FAM178B: variants seen among roughly 807,000 people sequenced by gnomAD.
FAM178B encodes the protein protein FAM178B.
Under a neutral mutation model 91.7 loss-of-function variants are expected in FAM178B, and 82 were observed. The observed-to-expected ratio is 0.89, with a 90% CI of 0.75 to 1.07. The LOEUF (loss-of-function observed/expected upper bound fraction) is 1.07, where lower values mean the gene tolerates loss of function less well. FAM178B is among the 50% of genes least tolerant of loss of function. The pLI is 0.00. For missense variants in FAM178B, 769 were observed against 846.7 expected, an observed-to-expected ratio of 0.91 and a Z score of 1.14; for synonymous variants, 368 against 359.4, an observed-to-expected ratio of 1.02 and a Z score of -0.27.
intron 8 of FAM178B, among the ~76,000 whole-genome samples, chr2:96,940,401 T>C (rs72811681): frequency 6.6e-6 from 1 of 152,290 alleles, no homozygotes; most frequent in Non-Finnish European, 1.5e-5. Context: ...CAGGAGGCTG[T>C]CCTGCAAACC....
intron 8 of FAM178B, among the ~76,000 whole-genome samples, chr2:96,937,334 T>C (rs1011136792): frequency 1.7e-4 from 26 of 152,160 alleles, no homozygotes; most frequent in Non-Finnish European, 5.9e-5. Context: ...GTGATTCTAA[T>C]ACACAGCCAA....
intron 14 of FAM178B, among the ~76,000 whole-genome samples, chr2:96,888,570 T>C (rs1346692437): frequency 6.6e-6 from 1 of 152,212 alleles, no homozygotes; most frequent in African/African-American, 2.4e-5. Context: ...AGCCCTGCAG[T>C]GAGAGCCAGG....
At chr2:96,876,374 C>A in intron 16 of FAM178B, 66 bp from the exon 17 acceptor site, 3 of 1,554,126 alleles carry the variant, frequency 1.9e-6, no homozygotes, top group South Asian at 2.4e-5. Context: ...CCCTGCAGCT[C>A]CCCGGGCTGG....
chr2:96,938,082 T>G (rs1021281927), intron 8 of FAM178B, among the ~76,000 whole-genome samples: 1 of 152,086 alleles, frequency 6.6e-6, no homozygotes, highest in African/African-American at 2.4e-5. Flanking sequence ...TAAATTTATT[T>G]TGCACCTCAT....
intron 6 of FAM178B, among the ~76,000 whole-genome samples, chr2:96,955,238 C>T (rs6576994): frequency 0.75 from 113,909 of 151,144 alleles, 44,011 homozygotes; most frequent in Middle Eastern, 0.83. Flanking sequence ...AGACCGGGTG[C>T]GGTGGCTCAC....
At chr2:96,914,197 G>C (rs765802439) in intron 12 of FAM178B, among the ~76,000 whole-genome samples, 2 of 152,206 alleles carry the variant, frequency 1.3e-5, no homozygotes, top group Non-Finnish European at 2.9e-5. Flanking sequence ...CTGGTAGTCC[G>C]TGGAGAAAAA....
intron 1 of FAM178B, chr2:96,977,941 T>TGGG: frequency 5.9e-5 from 3 of 50,434 alleles, no homozygotes; most frequent in East Asian, 7.9e-4. Flanking sequence ...CGCTGGAGGG[T>TGGG]GGGGCGGGCG....
chr2:96,951,665 G>A lies in FAM178B; in HGVS notation c.888-181C>T, dbSNP rs576813043. 1.3e-4 allele frequency: 77 copies of A among 583,426 alleles called. No homozygotes were observed. In the Admixed American group the frequency reaches 2.1e-3, roughly 16 times the overall value. The allele number at this position is 583,426 out of a possible 1,614,324, so 36.1% of individuals were successfully genotyped here. ...GATCTGTCAGAAGGAAAAGAACCCA[G>A]GCTAGCATCAGAATCACCTGCTCTT... On this transcript the variant is annotated intron_variant, in intron 6 of 16. Transcript: ENST00000490605.
At chr2:96,957,831 C>G (rs1040514689) in intron 6 of FAM178B, among the ~76,000 whole-genome samples, 4 of 151,998 alleles carry the variant, frequency 2.6e-5, no homozygotes, top group Non-Finnish European at 5.9e-5. Context: ...ACACTCAGAC[C>G]CAATAACCTC....
intron 14 of FAM178B, among the ~76,000 whole-genome samples, chr2:96,885,742 G>A (rs1011989338): frequency 6.6e-6 from 1 of 152,146 alleles, no homozygotes; most frequent in African/African-American, 2.4e-5. Flanking sequence ...AGGGATTGGC[G>A]GGGTCTTCCT....
chr2:96,931,814 G>A (rs1467458066), intron 8 of FAM178B, among the ~76,000 whole-genome samples: 2 of 151,612 alleles, frequency 1.3e-5, no homozygotes, highest in East Asian at 3.9e-4. Flanking sequence ...CACCAAACAA[G>A]TAATTAGACT....
Position 96,921,181 on chromosome 2 carries a change from T to C in FAM178B, c.1546A>G (p.Met516Val), listed in dbSNP as rs2081332246. 2 of 1,551,410 alleles carry C rather than the reference T, an allele frequency of 1.3e-6. No individual in the cohort carries two copies. Among genetic ancestry groups the C allele is most frequent in the South Asian group, 1.2e-5 (1 of 84,046 alleles). The change falls in exon 12 of 17, where the codon ATG becomes GTG. Residue 516 changes from methionine to valine, a missense_variant. Met to Val is a conservative substitution (Grantham distance 21, BLOSUM62 1). Coordinates refer to ENST00000490605, the MANE Select transcript of FAM178B (RefSeq NM_001122646.3). ...AGCACGCACCTGCTCCGGGAGGTCATGTCTGGGAAGAACTGCACGAGGGCC... is the reference window on the plus strand; with the variant it reads ...AGCACGCACCTGCTCCGGGAGGTCACGTCTGGGAAGAACTGCACGAGGGCC... ...LLALVQFFPD[M>V]TSRSRRLRSQ...
chr2:96,910,176 T>G (rs1352378501), intron 12 of FAM178B, among the ~76,000 whole-genome samples: 1 of 152,196 alleles, frequency 6.6e-6, no homozygotes, highest in Non-Finnish European at 1.5e-5. Context: ...TTTCTACGTA[T>G]GTGCTCCCAA....
At chr2:96,917,158 G>A (rs563395970) in intron 12 of FAM178B, among the ~76,000 whole-genome samples, 1 of 152,266 alleles carries the variant, frequency 6.6e-6, no homozygotes, top group South Asian at 2.1e-4. Context: ...CTGGCTCAGG[G>A]GAAGAAGCGC....
intron 9 of FAM178B, among the ~76,000 whole-genome samples, chr2:96,926,664 T>A (rs1160793878): frequency 6.6e-6 from 1 of 152,210 alleles, no homozygotes; most frequent in Non-Finnish European, 1.5e-5. Context: ...AGAGGGCCAC[T>A]GTTTCCAACA....
In FAM178B at chr2:96,936,813, C is replaced by G. The variant is rs575606168; in HGVS notation, c.1079-7493G>C. 2.4e-3 allele frequency among the ~76,000 whole-genome samples: 361 copies of G among 151,628 alleles called. 2 individuals are homozygous for G. Among genetic ancestry groups the G allele is most frequent in the African/African-American group, 8.2e-3 (341 of 41,360 alleles). On this transcript the variant is annotated intron_variant, in intron 8 of 16. Transcript: ENST00000490605. ...GGCGTGAGACACCACACCTGGCTAA[C>G]AAAAGCGTTCTTTAAAAAAATAACA...
intron 6 of FAM178B, chr2:96,956,741 C>T (rs1032452713): frequency 1.3e-5 from 2 of 152,262 alleles, no homozygotes; most frequent in Non-Finnish European, 2.9e-5. Context: ...CACCCAAGTA[C>T]TAACCAGGCC....
intron 8 of FAM178B, among the ~76,000 whole-genome samples, chr2:96,943,092 T>A (rs926301520): frequency 1.3e-5 from 2 of 152,156 alleles, no homozygotes; most frequent in African/African-American, 4.8e-5. Flanking sequence ...GATTAGACAA[T>A]GATGTCAGTA....
At chr2:96,898,515 G>A (rs1179690014) in intron 13 of FAM178B, among the ~76,000 whole-genome samples, 1 of 152,164 alleles carries the variant, frequency 6.6e-6, no homozygotes, top group Non-Finnish European at 1.5e-5. Flanking sequence ...TTAGCCAGGT[G>A]TGGTGGTGCA....
Sources: allele counts gnomAD v4.1 joint callset (sites outside exome capture counted in the v4.1 genomes callset), GRCh38; gene constraint gnomAD v4.1.1; transcripts MANE v1.5; gene names NCBI Gene and HGNC (gene_info 2026-07-23, HGNC 2026-07-21).